FGGY: variants seen among roughly 807,000 people sequenced by gnomAD.
FGGY encodes FGGY carbohydrate kinase domain-containing protein.
Under a neutral mutation model 71.3 loss-of-function variants are expected in FGGY, and 72 were observed. The observed-to-expected ratio is 1.01, with a 90% CI of 0.84 to 1.23. The LOEUF (loss-of-function observed/expected upper bound fraction) is 1.23. Ranked by LOEUF, FGGY falls within the 50% of genes most tolerant of loss-of-function variation. FGGY has a pLI of 0.00. For synonymous variants in FGGY, 251 were observed against 250.3 expected (o/e 1.00, Z -0.02); for missense variants, 668 against 682.3 (o/e 0.98, Z 0.23).
intron 7 of FGGY, among the ~76,000 whole-genome samples, chr1:59,534,972 C>T (rs1442547606): frequency 6.6e-6 from 1 of 151,548 alleles, no homozygotes; most frequent in Admixed American, 6.6e-5. Context: ...AACAAATTCA[C>T]ACATAACAAT....
chr1:59,552,117 C>A (rs1338226420), intron 7 of FGGY, among the ~76,000 whole-genome samples: 1 of 152,172 alleles, frequency 6.6e-6, no homozygotes, highest in African/African-American at 2.4e-5. Context: ...AGGTGGTGTT[C>A]TCATAGTCTG....
chr1:59,674,724 G>T (rs1379265842), intron 14 of FGGY, among the ~76,000 whole-genome samples: 1 of 152,160 alleles, frequency 6.6e-6, no homozygotes, highest in African/African-American at 2.4e-5. Flanking sequence ...CTTTCAAAAA[G>T]AGGAAACATA....
chr1:59,607,348 A>T (rs1204110336), intron 8 of FGGY, among the ~76,000 whole-genome samples: 1 of 152,208 alleles, frequency 6.6e-6, no homozygotes, highest in Non-Finnish European at 1.5e-5. Context: ...AGCCCTTTTG[A>T]GACCTAGGCT....
chr1:59,373,790 AAAAC>A, intron 4 of FGGY, among the ~76,000 whole-genome samples: 1 of 152,308 alleles, frequency 6.6e-6, no homozygotes, highest in Middle Eastern at 3.4e-3. Context: ...AAACCTGAGA[AAAAC>A]AAGCAATGGG....
intron 6 of FGGY, among the ~76,000 whole-genome samples, chr1:59,457,330 G>A (rs946007185): frequency 2.6e-5 from 4 of 152,108 alleles, no homozygotes; most frequent in East Asian, 1.9e-4. Context: ...CAGAAATTGC[G>A]CTGGGCATGG....
rs150605754 is a variant in FGGY at position 59,376,879 on chromosome 1, C to A, written c.466-1870C>A. 3.6e-4 allele frequency among the ~76,000 whole-genome samples: 55 copies of A among 152,286 alleles called. No individual in the cohort carries two copies. The East Asian group carries it at 6.7e-3, about 19-fold the overall frequency. The stretch of plus-strand genomic sequence containing the variant: ...TAGTTCCTCTGTCTTCTTTACTATT[C>A]TGTTTTTGAAATTCTACCTCTTCAG... On this transcript the variant is annotated intron_variant, in intron 4 of 15. Coordinates refer to ENST00000303721, the MANE Select transcript of FGGY (RefSeq NM_018291.5).
At chr1:59,618,178 T>C (rs773039854) in intron 9 of FGGY, among the ~76,000 whole-genome samples, 22 of 152,140 alleles carry the variant, frequency 1.4e-4, no homozygotes, top group Non-Finnish European at 2.4e-4. Flanking sequence ...TTATAATTTA[T>C]TGTAGGACAT....
chr1:59,385,856 C>T (rs1292081393), intron 5 of FGGY, among the ~76,000 whole-genome samples: 2 of 152,060 alleles, frequency 1.3e-5, no homozygotes, highest in East Asian at 3.8e-4. Context: ...TCAAGATTAA[C>T]TGAGTGAACA....
chr1:59,629,121 C>T (rs548774485), intron 10 of FGGY, among the ~76,000 whole-genome samples: 2 of 151,850 alleles, frequency 1.3e-5, no homozygotes, highest in South Asian at 2.1e-4. Flanking sequence ...ATGTAAATGA[C>T]GAGTTAACGG....
chr1:59,439,937 C>T (rs1321778521), intron 5 of FGGY, among the ~76,000 whole-genome samples: 2 of 152,126 alleles, frequency 1.3e-5, no homozygotes, highest in Admixed American at 6.6e-5. Context: ...TAAAACTAGT[C>T]GATCCAGCCA....
chr1:59,644,627 A>T, intron 11 of FGGY, among the ~76,000 whole-genome samples: 1 of 146,216 alleles, frequency 6.8e-6, no homozygotes, highest in South Asian at 2.2e-4. Context: ...GCCCCCCCCC[A>T]CCCAAAGAAA....
intron 7 of FGGY, among the ~76,000 whole-genome samples, chr1:59,546,474 C>T (rs1478554506): frequency 6.6e-6 from 1 of 151,446 alleles, no homozygotes; most frequent in Admixed American, 6.6e-5. Flanking sequence ...TAAAATTTCT[C>T]TGTTGACTTA....
chr1:59,642,625 C>CA (rs1250512969), intron 11 of FGGY, among the ~76,000 whole-genome samples: 2,232 of 57,254 alleles, frequency 0.039, 59 homozygotes, highest in African/African-American at 0.076. Context: ...GACTCCGTCT[C>CA]AAAAAAAAAA....
chr1:59,449,868 G>A (rs1419772590), intron 5 of FGGY, among the ~76,000 whole-genome samples: 1 of 152,140 alleles, frequency 6.6e-6, no homozygotes, highest in Non-Finnish European at 1.5e-5. Context: ...TACTTAGGAG[G>A]CTCAGGTGGC....
At position 59,343,755 on chromosome 1, in the gene FGGY, C is replaced by A. The variant is rs571233368; in HGVS notation, c.314-2492C>A. On this transcript the variant is annotated intron_variant, in intron 3 of 15. Coordinates refer to ENST00000303721, the MANE Select transcript of FGGY (RefSeq NM_018291.5). Reference sequence around the variant, plus strand: ...TTATCTAAAACGAAAATTATTAATTCTAATACAGTAATGATTCTGTACAAT... The same window carrying A: ...TTATCTAAAACGAAAATTATTAATTATAATACAGTAATGATTCTGTACAAT... Among the ~76,000 whole-genome samples the A allele has an allele frequency of 1.2e-4, 19 of 152,016 alleles. No individual in the cohort carries two copies. In the South Asian group the frequency reaches 3.9e-3, roughly 32 times the overall value.
At chr1:59,586,327 G>A (rs1448786265) in intron 8 of FGGY, among the ~76,000 whole-genome samples, 2 of 152,166 alleles carry the variant, frequency 1.3e-5, no homozygotes, top group Non-Finnish European at 2.9e-5. Flanking sequence ...ATACTATGCA[G>A]CCATAAAAAA....
At chr1:59,518,519 A>G (rs2094726532) in intron 7 of FGGY, among the ~76,000 whole-genome samples, 1 of 152,234 alleles carries the variant, frequency 6.6e-6, no homozygotes, top group Non-Finnish European at 1.5e-5. Context: ...GCAAATTGTA[A>G]TCCCCAGTGT....
rs370447603 is a variant in FGGY at position 59,653,393 on chromosome 1, G to A, written c.1222-6826G>A. Among the ~76,000 whole-genome samples, 14 of 152,110 alleles carry A rather than the reference G, an allele frequency of 9.2e-5. No individual in the cohort carries two copies. In the East Asian group the frequency reaches 1.4e-3, roughly 15 times the overall value. On this transcript the variant is annotated intron_variant, in intron 11 of 15. Coordinates refer to ENST00000303721, the MANE Select transcript of FGGY (RefSeq NM_018291.5). ...AGTTTGATCTCAGACTGCTGTGCTA[G>A]CAATCAGCGAGATTCTGTGGGCGTA...
At chr1:59,538,498 A>G (rs2095375874) in intron 7 of FGGY, among the ~76,000 whole-genome samples, 3 of 150,616 alleles carry the variant, frequency 2.0e-5, no homozygotes, top group South Asian at 4.2e-4. Flanking sequence ...TACTGGGTAT[A>G]TACCCAAAGG....
Sources: gnomAD v4.1 joint callset for allele counts (sites outside exome capture counted in the v4.1 genomes callset) on GRCh38, gnomAD v4.1.1 for gene constraint, MANE v1.5 for transcripts, NCBI Gene and HGNC (gene_info 2026-07-23, HGNC 2026-07-21) for gene names.